CSMD1: variants seen among roughly 807,000 people sequenced by gnomAD.
The protein encoded by CSMD1 is CUB and Sushi multiple domains 1.
In CSMD1, 213 loss-of-function variants were observed where a neutral mutation model predicts 417.5. The ratio of observed to expected loss-of-function variants is 0.51; its 90% CI spans 0.46 to 0.57. CSMD1 has a LOEUF of 0.57. Ranked by LOEUF, CSMD1 falls within the 20% of genes least tolerant of loss-of-function variation. CSMD1 has a pLI of 0.00. For synonymous variants in CSMD1, 2,862 were observed against 1,736.8 expected, an observed-to-expected ratio of 1.65 and a Z score of -16.11; for missense variants, 6,923 against 4,529.7, an observed-to-expected ratio of 1.53 and a Z score of -15.17.
intron 3 of CSMD1, among the ~76,000 whole-genome samples, chr8:4,271,144 T>C (rs545923739): frequency 6.6e-5 from 10 of 152,308 alleles, no homozygotes; most frequent in African/African-American, 1.7e-4. Flanking sequence ...CTCTGAATTA[T>C]TGTCACTACA....
chr8:3,259,651 G>A (rs972729449), intron 26 of CSMD1, among the ~76,000 whole-genome samples: 5 of 152,086 alleles, frequency 3.3e-5, no homozygotes, highest in Non-Finnish European at 7.4e-5. Context: ...GTATACAAGT[G>A]AAATACTGGA....
intron 1 of CSMD1, among the ~76,000 whole-genome samples, chr8:4,797,866 G>T (rs184218358): frequency 2.6e-5 from 4 of 152,120 alleles, no homozygotes; most frequent in Non-Finnish European, 4.4e-5. Flanking sequence ...ATTTCCTCAT[G>T]GATTTTACGA....
chr8:4,706,421 T>G (rs1477205430), intron 1 of CSMD1, among the ~76,000 whole-genome samples: 1 of 152,206 alleles, frequency 6.6e-6, no homozygotes, highest in African/African-American at 2.4e-5. Flanking sequence ...TGCTATAGCA[T>G]AACAGATGAT....
chr8:3,580,591 A>G (rs189268233), intron 9 of CSMD1, among the ~76,000 whole-genome samples: 9 of 152,214 alleles, frequency 5.9e-5, no homozygotes, highest in Non-Finnish European at 8.8e-5. Context: ...AATAATAAGG[A>G]GAAAAATATA....
intron 5 of CSMD1, among the ~76,000 whole-genome samples, chr8:3,868,860 G>C (rs1289278391): frequency 6.6e-6 from 1 of 152,256 alleles, no homozygotes; most frequent in Non-Finnish European, 1.5e-5. Flanking sequence ...TCTCAGGCTG[G>C]ACTGTTACCA....
At chr8:3,309,169 A>T (rs540335310) in intron 23 of CSMD1, among the ~76,000 whole-genome samples, 1 of 152,188 alleles carries the variant, frequency 6.6e-6, no homozygotes, top group East Asian at 1.9e-4. Flanking sequence ...CCTCTGTCAC[A>T]ACCTAGACCT....
rs934903194 is a variant in CSMD1 at position 4,435,290 on chromosome 8, T to A, written c.303-15225A>T. 4.6e-5 allele frequency among the ~76,000 whole-genome samples: 7 copies of A among 152,192 alleles called. No homozygotes were observed. In the Middle Eastern group the frequency reaches 9.5e-3, roughly 206 times the overall value. On this transcript the variant is annotated intron_variant, in intron 2 of 69. Coordinates refer to ENST00000635120, the MANE Select transcript of CSMD1 (RefSeq NM_033225.6). ...TGTTAATCCACCTACTGTTCACAAA[T>A]GATTGTTCCACAGCCAAATGTGACA...
chr8:4,075,773 C>T (rs1799789430), intron 3 of CSMD1, among the ~76,000 whole-genome samples: 1 of 152,056 alleles, frequency 6.6e-6, no homozygotes, highest in African/African-American at 2.4e-5. Flanking sequence ...CCACCCTAGC[C>T]AGGTTTCTCA....
chr8:4,458,875 C>T (rs1055471553), intron 2 of CSMD1, among the ~76,000 whole-genome samples: 2 of 152,140 alleles, frequency 1.3e-5, no homozygotes, highest in African/African-American at 4.8e-5. Flanking sequence ...ACTCATTCCA[C>T]AGTGAAACAA....
chr8:4,641,121 C>T (rs1350106626), intron 1 of CSMD1, among the ~76,000 whole-genome samples: 1 of 151,224 alleles, frequency 6.6e-6, no homozygotes, highest in Non-Finnish European at 1.5e-5. Context: ...TACCAAAATA[C>T]ACATCTGTAA....
At chr8:3,869,887 G>A (rs146557596) in intron 5 of CSMD1, among the ~76,000 whole-genome samples, 2 of 151,836 alleles carry the variant, frequency 1.3e-5, no homozygotes, top group South Asian at 2.1e-4. Flanking sequence ...TGTATCAGTA[G>A]TGCTTGAAGG....
intron 3 of CSMD1, among the ~76,000 whole-genome samples, chr8:4,273,732 T>C (rs965314889): frequency 2.6e-5 from 4 of 152,196 alleles, no homozygotes; most frequent in African/African-American, 9.6e-5. Flanking sequence ...CTAGACCATC[T>C]GGGTCAAAAC....
chr8:3,924,669 G>C (rs1359217948), intron 5 of CSMD1, among the ~76,000 whole-genome samples: 1 of 151,982 alleles, frequency 6.6e-6, no homozygotes, highest in Non-Finnish European at 1.5e-5. Flanking sequence ...AATTTTTTCA[G>C]TGTAATCATT....
At chr8:4,919,953 C>A (rs4276709) in intron 1 of CSMD1, among the ~76,000 whole-genome samples, 1 of 152,152 alleles carries the variant, frequency 6.6e-6, no homozygotes, top group Admixed American at 6.5e-5. Context: ...CCTGCCAATG[C>A]CTTGATCTTG....
Position 3,493,554 on chromosome 8 carries a change from A to T in CSMD1, c.1448+69T>A, listed in dbSNP as rs1485897855. On this transcript the variant is annotated intron_variant, in intron 11 of 69. Transcript: ENST00000635120. ...GGCCGAATTACAAGCCTGTAGCAGA[A>T]TCTCATCTCCACCCACCGTGCCCCG... The T allele has an allele frequency of 3.8e-6, 5 of 1,321,074 alleles. No homozygotes were observed. The Admixed American group carries it at 1.0e-4, about 27-fold the overall frequency. The allele number at this position is 1,321,074 out of a possible 1,614,324, so 81.8% of individuals were successfully genotyped here.
intron 3 of CSMD1, among the ~76,000 whole-genome samples, chr8:4,243,043 G>A (rs531232641): frequency 9.9e-5 from 15 of 152,132 alleles, no homozygotes; most frequent in Non-Finnish European, 7.4e-5. Context: ...GGTTTTATCT[G>A]AGTACACGGG....
intron 3 of CSMD1, among the ~76,000 whole-genome samples, chr8:4,351,996 G>C (rs1479139878): frequency 6.6e-6 from 1 of 150,770 alleles, no homozygotes; most frequent in Non-Finnish European, 1.5e-5. Context: ...TGAAACACGG[G>C]TATGGAATTG....
chr8:4,207,005 G>C (rs1017680882), intron 3 of CSMD1, among the ~76,000 whole-genome samples: 1 of 152,082 alleles, frequency 6.6e-6, no homozygotes, highest in African/African-American at 2.4e-5. Context: ...TGTTTTAGTA[G>C]ATAAGATCAC....
chr8:4,286,703 A>G (rs991799096), intron 3 of CSMD1, among the ~76,000 whole-genome samples: 1 of 152,204 alleles, frequency 6.6e-6, no homozygotes, highest in Non-Finnish European at 1.5e-5. Flanking sequence ...ATCAAACAAG[A>G]GAATGTATGC....
Sources: gnomAD v4.1 joint callset for allele counts (sites outside exome capture counted in the v4.1 genomes callset) on GRCh38, gnomAD v4.1.1 for gene constraint, MANE v1.5 for transcripts, NCBI Gene and HGNC (gene_info 2026-07-23, HGNC 2026-07-21) for gene names.